The following PREPL variants were observed in gnomAD, a reference collection of about 807,000 sequenced individuals.
The protein encoded by PREPL is prolyl endopeptidase-like.
Under a neutral mutation model 70.6 loss-of-function variants are expected in PREPL, and 77 were observed. The ratio of observed to expected loss-of-function variants is 1.09; its 90% CI spans 0.91 to 1.32. The LOEUF (loss-of-function observed/expected upper bound fraction) is 1.32, where lower values mean the gene tolerates loss of function less well. Among genes scored for constraint, PREPL ranks in the 40% most tolerant of loss-of-function variants. The pLI is 0.00. For synonymous variants in PREPL, 315 were observed against 264.8 expected, an observed-to-expected ratio of 1.19 and a Z score of -1.84; for missense variants, 1,002 against 778.2, an observed-to-expected ratio of 1.29 and a Z score of -3.42.
At chr2:44,345,152 G>A (rs1675654473) in intron 2 of PREPL, among the ~76,000 whole-genome samples, 1 of 152,130 alleles carries the variant, frequency 6.6e-6, no homozygotes, top group South Asian at 2.1e-4. Flanking sequence ...AATATAAATA[G>A]TGTTCTTGTC....
chr2:44,330,908 CT>C (rs1674021698), intron 8 of PREPL, among the ~76,000 whole-genome samples: 1 of 152,082 alleles, frequency 6.6e-6, no homozygotes, highest in African/African-American at 2.4e-5. Context: ...CCAATCTTCC[CT>C]CTTTTACTTG....
At chr2:44,355,663 A>C (rs1024406349) in intron 1 of PREPL, among the ~76,000 whole-genome samples, 1 of 151,884 alleles carries the variant, frequency 6.6e-6, no homozygotes, top group Non-Finnish European at 1.5e-5. Flanking sequence ...CTAAAATGCA[A>C]ATCTGATTGC....
At chr2:44,333,873 G>A (rs1674372182) in intron 7 of PREPL, among the ~76,000 whole-genome samples, 1 of 152,102 alleles carries the variant, frequency 6.6e-6, no homozygotes. Flanking sequence ...CTCATAACCA[G>A]GCCTCAGAGC....
At chr2:44,331,200 CCCAAAGTGTT>C (rs1674049309) in intron 8 of PREPL, among the ~76,000 whole-genome samples, 1 of 152,144 alleles carries the variant, frequency 6.6e-6, no homozygotes. Context: ...AGCTTGGCCT[CCCAAAGTGTT>C]GGGATTACAA....
Position 44,319,622 on chromosome 2 carries a change from G to GAAAAAAAAA in PREPL, c.*1733_*1734insTTTTTTTTT, listed in dbSNP as rs1672752042. 6.5e-6 allele frequency: 1 copy of GAAAAAAAAA among 152,756 alleles called. No homozygotes were observed. Among genetic ancestry groups the GAAAAAAAAA allele is most frequent in the Non-Finnish European group, 1.5e-5 (1 of 68,702 alleles). The allele number at this position is 152,756 out of a possible 1,614,324, so 9.5% of individuals were successfully genotyped here. Reference sequence around the variant, plus strand: ...ATCTTTAATGAACACATACTATTATGGTAAAAAAAAGTCTACAATTTCTAA... The same window carrying GAAAAAAAAA: ...ATCTTTAATGAACACATACTATTATGAAAAAAAAAGTAAAAAAAAGTCTACAATTTCTAA... On this transcript the variant is annotated 3_prime_UTR_variant, in exon 14 of 14. Transcript: ENST00000409411.
chr2:44,353,118 T>G (rs920004036), intron 1 of PREPL, among the ~76,000 whole-genome samples: 1 of 152,040 alleles, frequency 6.6e-6, no homozygotes, highest in Non-Finnish European at 1.5e-5. Flanking sequence ...CATTTCAGAT[T>G]TTGTATTAGG....
rs142788172 is a variant in PREPL, at chr2:44,328,835, G to T, written c.1262+102C>A. ...TAGGAATACAAAAATTGAATAATAA[G>T]AATGAAAAAAATAAGCTTTTGTTCC... is the stretch of plus-strand genomic sequence containing the variant. On this transcript the variant is annotated intron_variant, in intron 9 of 13. Coordinates refer to ENST00000409411, the MANE Select transcript of PREPL (RefSeq NM_001171613.2). 814 of 1,200,418 alleles carry T rather than the reference G, an allele frequency of 6.8e-4. 3 individuals carry two copies. The African/African-American group carries it at 0.011, about 16-fold the overall frequency. 74.4% of individuals were successfully genotyped at this position (1,200,418 alleles called of 1,614,324 possible). A position where few individuals can be genotyped will look rare whatever the true frequency, so the allele number is the denominator to read the frequency against.
chr2:44,326,982 G>A (rs1673570582), intron 9 of PREPL, 54 bp from the exon 10 acceptor site: 1 of 1,464,164 alleles, frequency 6.8e-7, no homozygotes. Flanking sequence ...AATACTGTAG[G>A]CTGGGGTCAG....
At chr2:44,349,791 C>CA (rs199897034) in intron 1 of PREPL, among the ~76,000 whole-genome samples, 2,515 of 152,134 alleles carry the variant, frequency 0.017, 33 homozygotes, top group South Asian at 0.034. Context: ...GGCATAATTA[C>CA]AGATACAACA....
chr2:44,353,147 C>G (rs1424387965), intron 1 of PREPL, among the ~76,000 whole-genome samples: 1 of 152,122 alleles, frequency 6.6e-6, no homozygotes, highest in African/African-American at 2.4e-5. Context: ...ACCTGTACTA[C>G]AAGATATTAA....
intron 7 of PREPL, among the ~76,000 whole-genome samples, chr2:44,336,741 G>A (rs1674683531): frequency 6.6e-6 from 1 of 152,004 alleles, no homozygotes; most frequent in South Asian, 2.1e-4. Flanking sequence ...ATTAGCAAGT[G>A]AAAAGAAATA....
At position 44,352,333 on chromosome 2, in the gene PREPL, G is replaced by A. The variant is rs559359421; in HGVS notation, c.-48-5943C>T. On this transcript the variant is annotated intron_variant, in intron 1 of 13. Transcript: ENST00000409411. ...AGCTGGAGTGCAGTGGCATGATCTCGGCTCATTGCAACCTCTGCCTCCTGG... is the reference window on the plus strand; with the variant it reads ...AGCTGGAGTGCAGTGGCATGATCTCAGCTCATTGCAACCTCTGCCTCCTGG... Among the ~76,000 whole-genome samples the A allele has an allele frequency of 5.1e-4, 78 of 151,836 alleles. 1 individual carries two copies. Among genetic ancestry groups the A allele is most frequent in the African/African-American group, 1.8e-3 (75 of 41,370 alleles).
intron 2 of PREPL, among the ~76,000 whole-genome samples, chr2:44,345,393 C>T (rs1002655859): frequency 6.6e-6 from 1 of 151,888 alleles, no homozygotes; most frequent in Non-Finnish European, 1.5e-5. Context: ...GCTCTGTCAC[C>T]CAGGCTGGAG....
At chr2:44,352,336 T>C (rs1676532952) in intron 1 of PREPL, among the ~76,000 whole-genome samples, 1 of 152,170 alleles carries the variant, frequency 6.6e-6, no homozygotes, top group Non-Finnish European at 1.5e-5. Flanking sequence ...TGATCTCGGC[T>C]CATTGCAACC....
At position 44,317,828 on chromosome 2, in the gene PREPL, A is replaced by C; in HGVS notation, c.*3528T>G. On this transcript the variant is annotated 3_prime_UTR_variant, in exon 14 of 14. Coordinates refer to ENST00000409411, the MANE Select transcript of PREPL (RefSeq NM_001171613.2). ...AAATAGGGCTTCCGAATTATGTCTA[A>C]ATAATACAATAATTACAAATATGAA... 6.0e-6 allele frequency: 1 copy of C among 167,954 alleles called. No homozygotes were observed. The highest frequency in any genetic ancestry group is 6.2e-5 in the Admixed American group (1 of 16,140). The allele number at this position is 167,954 out of a possible 1,614,324, so 10.4% of individuals were successfully genotyped here.
chr2:44,321,188 T>C lies in PREPL; in HGVS notation c.*168A>G, dbSNP rs1291198167. 6 of 622,972 alleles carry C rather than the reference T, an allele frequency of 9.6e-6. No individual in the cohort carries two copies. Among genetic ancestry groups the C allele is most frequent in the Non-Finnish European group, 1.7e-5 (6 of 351,676 alleles). 38.6% of individuals were successfully genotyped at this position (622,972 alleles called of 1,614,324 possible). A position where few individuals can be genotyped will look rare whatever the true frequency, so the allele number is the denominator to read the frequency against. On this transcript the variant is annotated 3_prime_UTR_variant, in exon 14 of 14. Transcript: ENST00000409411. ...GCATGTGCATCAATGGAGAGAATAG[T>C]ATAAGCAAGTGAGATGTAGACTAAG...
intron 7 of PREPL, among the ~76,000 whole-genome samples, chr2:44,333,542 G>A (rs1442169657): frequency 1.9e-4 from 29 of 151,970 alleles, no homozygotes; most frequent in Admixed American, 1.3e-3. Context: ...AAGGGCAGCC[G>A]GGGATTTGTG....
intron 7 of PREPL, among the ~76,000 whole-genome samples, chr2:44,333,837 GA>G (rs964491777): frequency 6.6e-6 from 1 of 151,990 alleles, no homozygotes; most frequent in Non-Finnish European, 1.5e-5. Context: ...CTTGAGAGGG[GA>G]AAAAAAGGAA....
chr2:44,354,872 C>T (rs1486180695), intron 1 of PREPL, among the ~76,000 whole-genome samples: 3 of 152,262 alleles, frequency 2.0e-5, no homozygotes, highest in South Asian at 2.1e-4. Flanking sequence ...GCGCCACGCC[C>T]GGCCTTCTTC....
Sources: gnomAD v4.1 joint callset for allele counts (sites outside exome capture counted in the v4.1 genomes callset) on GRCh38, gnomAD v4.1.1 for gene constraint, MANE v1.5 for transcripts, NCBI Gene and HGNC (gene_info 2026-07-23, HGNC 2026-07-21) for gene names.